TXNDC11: variants seen among roughly 807,000 people sequenced by gnomAD.
The protein encoded by TXNDC11 is thioredoxin domain containing 11, also known as thioredoxin domain-containing protein 11.
In TXNDC11, 68 loss-of-function variants were observed where a neutral mutation model predicts 78.0. That is an observed-to-expected ratio of 0.87 (90% CI 0.72 to 1.07). TXNDC11 has a LOEUF of 1.07. TXNDC11 is among the 50% of genes least tolerant of loss of function. TXNDC11 has a pLI of 0.00. For missense variants in TXNDC11, 1,389 were observed against 1,221.8 expected (o/e 1.14, Z -2.04); for synonymous variants, 571 against 495.2 (o/e 1.15, Z -2.03).
intron 4 of TXNDC11, among the ~76,000 whole-genome samples, chr16:11,729,371 G>A (rs1030542809): frequency 6.6e-6 from 1 of 152,116 alleles, no homozygotes; most frequent in African/African-American, 2.4e-5. Flanking sequence ...TGTAATTAAG[G>A]AATATTTACT....
intron 2 of TXNDC11, 83 bp downstream of exon 2, chr16:11,735,934 G>T: frequency 2.2e-6 from 3 of 1,378,226 alleles, no homozygotes; most frequent in Non-Finnish European, 3.1e-6. Flanking sequence ...TCTGCCCGTT[G>T]GGCAAGGTGT....
chr16:11,703,088 T>G (rs962430856), intron 5 of TXNDC11, among the ~76,000 whole-genome samples: 8 of 151,850 alleles, frequency 5.3e-5, no homozygotes, highest in African/African-American at 1.9e-4. Context: ...CTTCACACAC[T>G]CCAAAATTAA....
intron 5 of TXNDC11, among the ~76,000 whole-genome samples, chr16:11,717,560 G>A (rs552050487): frequency 7.3e-5 from 11 of 151,564 alleles, no homozygotes; most frequent in South Asian, 4.2e-4. Flanking sequence ...AGTGGCTCAC[G>A]CCTGTAATCC....
chr16:11,738,284 T>G (rs1336706012), intron 1 of TXNDC11, among the ~76,000 whole-genome samples: 1 of 152,206 alleles, frequency 6.6e-6, no homozygotes, highest in African/African-American at 2.4e-5. Context: ...AAACTAATAT[T>G]TTAACCTTCA....
chr16:11,732,962 T>C (rs922426811), intron 3 of TXNDC11, among the ~76,000 whole-genome samples: 12 of 152,228 alleles, frequency 7.9e-5, no homozygotes, highest in Non-Finnish European at 1.5e-4. Context: ...TCCAAAGTCC[T>C]ATCTCCTATC....
chr16:11,735,944 T>C, intron 2 of TXNDC11, 73 bp downstream of exon 2: 1 of 1,472,014 alleles, frequency 6.8e-7, no homozygotes, highest in South Asian at 1.1e-5. Context: ...GGGCAAGGTG[T>C]CTCTGTGGGG....
At chr16:11,740,748 T>A (rs1008386669) in intron 1 of TXNDC11, among the ~76,000 whole-genome samples, 1 of 152,224 alleles carries the variant, frequency 6.6e-6, no homozygotes, top group Non-Finnish European at 1.5e-5. Flanking sequence ...TAGGTGTGAT[T>A]TGGAGCAGGT....
intron 7 of TXNDC11, among the ~76,000 whole-genome samples, chr16:11,696,657 C>T (rs758197994): frequency 1.3e-4 from 20 of 152,268 alleles, no homozygotes; most frequent in Admixed American, 2.0e-4. Flanking sequence ...GTTAAGGGAA[C>T]GCACTCACCT....
At chr16:11,694,173 G>T (rs1377561588) in intron 7 of TXNDC11, among the ~76,000 whole-genome samples, 5 of 130,050 alleles carry the variant, frequency 3.8e-5, no homozygotes, top group Non-Finnish European at 7.7e-5. Flanking sequence ...ACAATGGCAT[G>T]ATCTCAGCTC....
chr16:11,687,732 A>G (rs551707129), intron 10 of TXNDC11, 125 bp downstream of exon 10: 12 of 666,624 alleles, frequency 1.8e-5, no homozygotes, highest in Non-Finnish European at 2.4e-5. Flanking sequence ...TGACAATTAA[A>G]TTCAGCCAAG....
chr16:11,709,709 A>G (rs921642663), intron 5 of TXNDC11, among the ~76,000 whole-genome samples: 3 of 151,986 alleles, frequency 2.0e-5, no homozygotes, highest in African/African-American at 7.3e-5. Flanking sequence ...TGCTGGGATT[A>G]CAGGCGTGAG....
chr16:11,681,629 G>A (rs1423273746), intron 11 of TXNDC11, among the ~76,000 whole-genome samples: 1 of 151,728 alleles, frequency 6.6e-6, no homozygotes, highest in Non-Finnish European at 1.5e-5. Context: ...TTCTTCCCCT[G>A]GGACACATCA....
In TXNDC11 at chr16:11,730,766, G is replaced by C. The variant is rs912940751; in HGVS notation, c.578C>G (p.Pro193Arg). ...ACTCATGGGGCCTTTGTATTCGATT[G>C]GTCCAAAACTAGTACCAAAAAATAA... The part of the protein sequence containing the change: ...VIYLYHRSFG[P>R]IEYKGPMSAV... Residue 193 changes from proline (P) to arginine (R), a missense_variant, in exon 4 of 12, where the codon CCA (proline) becomes CGA (arginine). Transcript: ENST00000283033. 6.4e-7 allele frequency: 1 copy of C among 1,573,034 alleles called. No individual in the cohort carries two copies. Among genetic ancestry groups the C allele is most frequent in the Non-Finnish European group, 8.6e-7 (1 of 1,157,130 alleles).
intron 5 of TXNDC11, among the ~76,000 whole-genome samples, chr16:11,711,991 T>A (rs2051375659): frequency 1.3e-5 from 2 of 152,036 alleles, no homozygotes; most frequent in Non-Finnish European, 2.9e-5. Context: ...CGGAGCTGTT[T>A]GACTGTAAGT....
At chr16:11,738,658 C>T (rs1190200416) in intron 1 of TXNDC11, among the ~76,000 whole-genome samples, 1 of 132,198 alleles carries the variant, frequency 7.6e-6, no homozygotes, top group South Asian at 2.4e-4. Context: ...GAGGGCACTA[C>T]AGGAAAAAAA....
intron 5 of TXNDC11, among the ~76,000 whole-genome samples, chr16:11,713,219 T>G (rs1597459325): frequency 6.7e-6 from 1 of 149,354 alleles, no homozygotes. Context: ...CCTGGGGAGG[T>G]TGAGGCTGCA....
intron 10 of TXNDC11, among the ~76,000 whole-genome samples, chr16:11,686,506 G>T (rs2050570911): frequency 6.6e-6 from 1 of 152,124 alleles, no homozygotes; most frequent in Non-Finnish European, 1.5e-5. Flanking sequence ...AACTGTTTTT[G>T]TTGATTTCTT....
At chr16:11,694,080 TTC>T in intron 7 of TXNDC11, among the ~76,000 whole-genome samples, 1 of 149,990 alleles carries the variant, frequency 6.7e-6, no homozygotes, top group Non-Finnish European at 1.5e-5. Flanking sequence ...GAAGAAAGTA[TTC>T]TGTCTACAGC....
chr16:11,699,232 T>G (rs569481892), intron 6 of TXNDC11, among the ~76,000 whole-genome samples: 30 of 127,118 alleles, frequency 2.4e-4, no homozygotes, highest in African/African-American at 8.7e-4. Context: ...CCTTAATCAC[T>G]ACCAAATCGA....
Sources: gnomAD v4.1 joint callset for allele counts (sites outside exome capture counted in the v4.1 genomes callset) on GRCh38, gnomAD v4.1.1 for gene constraint, MANE v1.5 for transcripts, NCBI Gene and HGNC (gene_info 2026-07-23, HGNC 2026-07-21) for gene names.